Variants in LGALS9C observed in about 807,000 individuals in gnomAD.
LGALS9C encodes the protein galectin 9C.
In LGALS9C, 7 loss-of-function variants were observed where a neutral mutation model predicts 41.3. The observed-to-expected ratio is 0.17, with a 90% CI of 0.10 to 0.32. LGALS9C has a LOEUF of 0.32. LGALS9C is among the 10% of genes least tolerant of loss of function. The pLI, the probability that LGALS9C is intolerant of heterozygous loss-of-function variation, is 1.00. For synonymous variants in LGALS9C, 44 were observed against 171.0 expected, an observed-to-expected ratio of 0.26 and a Z score of 5.80; for missense variants, 102 against 455.2, an observed-to-expected ratio of 0.22 and a Z score of 7.06.
chr17:18,479,867 GCTGC>G (rs200825452), intron 1 of LGALS9C, among the ~76,000 whole-genome samples: 2 of 123,808 alleles, frequency 1.6e-5, no homozygotes, highest in African/African-American at 5.2e-5. Context: ...GCTTCTAGAG[GCTGC>G]CTGCCTGCCT....
At chr17:18,486,534 T>C (rs1193335699) in intron 3 of LGALS9C, 1 of 267,874 alleles carries the variant, frequency 3.7e-6, no homozygotes, top group East Asian at 7.2e-5. Context: ...GTTATAGTTC[T>C]GTAAGCACAT....
intron 3 of LGALS9C, 121 bp from the exon 4 acceptor site, chr17:18,487,525 TG>T: frequency 1.5e-6 from 1 of 666,634 alleles, no homozygotes; most frequent in Non-Finnish European, 2.4e-6. Context: ...TCCCTGTAAC[TG>T]GCCCCACACT....
At chr17:18,483,988 C>A in intron 2 of LGALS9C, 22 bp downstream of exon 2, 1 of 1,362,484 alleles carries the variant, frequency 7.3e-7, no homozygotes, top group South Asian at 1.2e-5. Context: ...TGGATGGAAA[C>A]GTTTCACTCC....
At position 18,477,100 on chromosome 17, in the gene LGALS9C, G is replaced by C. The variant is rs1487113464; in HGVS notation, c.39+207G>C. On this transcript the variant is annotated intron_variant, in intron 1 of 10. Coordinates refer to ENST00000328114, the MANE Select transcript of LGALS9C (RefSeq NM_001040078.3). Reference sequence around the variant, plus strand: ...ATGCCTGGAGAGATGCTCCTCCCATGAGTCATGGGTTTGACAGTGTTGGCT... The same window carrying C: ...ATGCCTGGAGAGATGCTCCTCCCATCAGTCATGGGTTTGACAGTGTTGGCT... 3.7e-5 allele frequency among the ~76,000 whole-genome samples: 5 copies of C among 135,110 alleles called. 1 individual carries two copies. The highest frequency in any genetic ancestry group is 1.2e-4 in the African/African-American group (5 of 40,262). 88.6% of individuals were successfully genotyped at this position (135,110 alleles called of 152,430 possible). A position where few individuals can be genotyped will look rare whatever the true frequency, so the allele number is the denominator to read the frequency against.
intron 1 of LGALS9C, among the ~76,000 whole-genome samples, chr17:18,481,938 T>C (rs1472709652): frequency 1.4e-5 from 2 of 144,434 alleles, no homozygotes; most frequent in Non-Finnish European, 3.2e-5. Context: ...TAACTTGTTA[T>C]TATAGGAAAT....
rs149555220 is a variant in LGALS9C at position 18,483,931 on chromosome 17, T to C, written c.96T>C (p.Thr32=). ...GTCTCCAGGACGGATTTCAGATCACTGTCAATGGGGCCGTTCTCAGCTGCA... is the reference window on the plus strand; with the variant it reads ...GTCTCCAGGACGGATTTCAGATCACCGTCAATGGGGCCGTTCTCAGCTGCA... ...QGGLQDGFQI[T]VNGAVLSCSG... The change falls in exon 2 of 11, where the codon ACT becomes ACC. Residue 32 remains threonine, a synonymous_variant. Transcript: ENST00000328114. 1.0e-3 allele frequency: 1,408 copies of C among 1,366,902 alleles called. 90 individuals are homozygous for C. The African/African-American group carries it at 0.017, about 17-fold the overall frequency. The allele number at this position is 1,366,902 out of a possible 1,614,324, so 84.7% of individuals were successfully genotyped here. A position where few individuals can be genotyped will look rare whatever the true frequency, so the allele number is the denominator to read the frequency against.
At position 18,488,200 on chromosome 17, in the gene LGALS9C, T is replaced by C. The variant is rs897666711; in HGVS notation, c.444+443T>C. ...GAGCATGGTCATTGCCTGCCCCCCATGGGTGGTTGTGTGATTCATTGAGGA... is the reference window on the plus strand; with the variant it reads ...GAGCATGGTCATTGCCTGCCCCCCACGGGTGGTTGTGTGATTCATTGAGGA... On this transcript the variant is annotated intron_variant, in intron 4 of 10. Transcript: ENST00000328114. 3.1e-5 allele frequency among the ~76,000 whole-genome samples: 4 copies of C among 128,248 alleles called. 1 individual carries two copies. The highest frequency in any genetic ancestry group is 7.5e-5 in the Non-Finnish European group (4 of 53,274). The allele number at this position is 128,248 out of a possible 152,430, so 84.1% of individuals were successfully genotyped here. A position where few individuals can be genotyped will look rare whatever the true frequency, so the allele number is the denominator to read the frequency against.
chr17:18,493,202 G>A lies in LGALS9C; in HGVS notation c.924+343G>A, dbSNP rs546074854. ...ACGATTTCACTGTCGCCCGCTTTGT[G>A]CAGGAAGCACTCCACATGCTGGGAG... On this transcript the variant is annotated intron_variant, in intron 10 of 10. Transcript: ENST00000328114. Among the ~76,000 whole-genome samples, 19 of 121,602 alleles carry A rather than the reference G, an allele frequency of 1.6e-4. 1 individual carries two copies. The highest frequency in any genetic ancestry group is 5.3e-4 in the African/African-American group (19 of 35,672). The allele number at this position is 121,602 out of a possible 152,430, so 79.8% of individuals were successfully genotyped here. A position where few individuals can be genotyped will look rare whatever the true frequency, so the allele number is the denominator to read the frequency against.
At chr17:18,491,134 AC>A (rs1989790379) in intron 6 of LGALS9C, 138 bp from the exon 7 acceptor site, 1 of 1,048,028 alleles carries the variant, frequency 9.5e-7, no homozygotes, top group Non-Finnish European at 1.4e-6. Context: ...CGTCCCCTGG[AC>A]CCACCCTCCG....
In LGALS9C at chr17:18,487,616, C is replaced by T. The variant is rs199525932; in HGVS notation, c.334-31C>T. The T allele has an allele frequency of 0.024, 33,524 of 1,375,836 alleles. 891 individuals are homozygous for T. The East Asian group carries it at 0.32, about 13-fold the overall frequency. The allele number at this position is 1,375,836 out of a possible 1,614,324, so 85.2% of individuals were successfully genotyped here. On this transcript the variant is annotated intron_variant, in intron 3 of 10. Transcript: ENST00000328114. ...TGGTCCCCATCCCGGCCTGGGGCAC[C>T]TCCCCCGAAATACGTGCTCTCCTCT... is the stretch of plus-strand genomic sequence containing the variant.
intron 1 of LGALS9C, among the ~76,000 whole-genome samples, chr17:18,483,208 C>T (rs879450877): frequency 0.07 from 7,338 of 105,364 alleles, 231 homozygotes; most frequent in Middle Eastern, 0.15. Flanking sequence ...TGCTTGCCCA[C>T]GGGGCCTGGG....
intron 1 of LGALS9C, among the ~76,000 whole-genome samples, chr17:18,478,093 C>T (rs868323923): frequency 7.8e-6 from 1 of 127,552 alleles, no homozygotes; most frequent in African/African-American, 2.5e-5. Context: ...CCCTCAGCCA[C>T]CCTATGGAAG....
intron 2 of LGALS9C, 95 bp from the exon 3 acceptor site, chr17:18,485,839 C>A: frequency 1.2e-6 from 1 of 855,722 alleles, no homozygotes; most frequent in Non-Finnish European, 1.9e-6. Context: ...TGCAAGATCC[C>A]AGACAAACAC....
At position 18,488,522 on chromosome 17, in the gene LGALS9C, C is replaced by T. The variant is rs1352286253; in HGVS notation, c.445-419C>T. Among the ~76,000 whole-genome samples the T allele has an allele frequency of 7.5e-5, 9 of 120,004 alleles. 1 individual carries two copies. The highest frequency in any genetic ancestry group is 1.4e-4 in the African/African-American group (5 of 36,396). The allele number at this position is 120,004 out of a possible 152,430, so 78.7% of individuals were successfully genotyped here. A position where few individuals can be genotyped will look rare whatever the true frequency, so the allele number is the denominator to read the frequency against. ...AGAAGGTCAGGAGATACCAACACCA[C>T]GTGAAAAATGGGAAGATTAGGGTAT... On this transcript the variant is annotated intron_variant, in intron 4 of 10. Transcript: ENST00000328114.
intron 3 of LGALS9C, among the ~76,000 whole-genome samples, chr17:18,487,432 G>C (rs1431739717): frequency 6.2e-5 from 3 of 48,368 alleles, no homozygotes; most frequent in African/African-American, 1.8e-4. Flanking sequence ...GAGAAGAAAG[G>C]GGAAGGAAAC....
At chr17:18,492,252 A>C in intron 8 of LGALS9C, 1 of 601,994 alleles carries the variant, frequency 1.7e-6, no homozygotes, top group Non-Finnish European at 2.8e-6. Flanking sequence ...TGTTTGGCCA[A>C]ATTTCCTTTC....
chr17:18,483,086 G>A (rs1989452985), intron 1 of LGALS9C, among the ~76,000 whole-genome samples: 3 of 125,448 alleles, frequency 2.4e-5, no homozygotes, highest in Admixed American at 2.3e-4. Flanking sequence ...CTCAGGTCAG[G>A]AGCAGCAGAG....
In LGALS9C at chr17:18,491,292, C is replaced by A; in HGVS notation, c.596C>A (p.Thr199Lys). ...TTCCAGACCCAGACAGTCATCCACA[C>A]GGTGCAGAGTGCCTCTGGACAGATG... ...PAPITQTVIH[T>K]VQSASGQMFS... Residue 199 changes from threonine (T) to lysine (K), a missense_variant, in exon 7 of 11, where the codon ACG (threonine) becomes AAG (lysine). Thr to Lys is a moderately conservative substitution (Grantham distance 78). Coordinates refer to ENST00000328114, the MANE Select transcript of LGALS9C (RefSeq NM_001040078.3). The A allele has an allele frequency of 6.7e-7, 1 of 1,486,774 alleles. No individual in the cohort carries two copies. Among genetic ancestry groups the A allele is most frequent in the Admixed American group, 1.7e-5 (1 of 57,182 alleles). The allele number at this position is 1,486,774 out of a possible 1,614,324, so 92.1% of individuals were successfully genotyped here.
At chr17:18,493,454 G>A (rs1306620426) in intron 10 of LGALS9C, among the ~76,000 whole-genome samples, 1 of 119,294 alleles carries the variant, frequency 8.4e-6, no homozygotes, top group Non-Finnish European at 2.0e-5. Flanking sequence ...GGCGTGCTCC[G>A]CCCTGACTAC....
Sources: gnomAD v4.1 joint callset for allele counts (sites outside exome capture counted in the v4.1 genomes callset) on GRCh38, gnomAD v4.1.1 for gene constraint, MANE v1.5 for transcripts, NCBI Gene and HGNC (gene_info 2026-07-23, HGNC 2026-07-21) for gene names.